NAV2: variants seen among roughly 807,000 people sequenced by gnomAD.
The protein encoded by NAV2 is neuron navigator 2.
Under a neutral mutation model 223.2 loss-of-function variants are expected in NAV2, and 54 were observed. That is an observed-to-expected ratio of 0.24 (90% CI 0.19 to 0.30). The LOEUF (loss-of-function observed/expected upper bound fraction) is 0.30, where lower values mean the gene tolerates loss of function less well. NAV2 is among the 10% of genes least tolerant of loss of function. The pLI, the probability that NAV2 is intolerant of heterozygous loss-of-function variation, is 1.00. For synonymous variants in NAV2, 1,279 were observed against 1,239.3 expected (o/e 1.03, Z -0.67); for missense variants, 2,806 against 3,147.5 (o/e 0.89, Z 2.60).
intron 11 of NAV2, among the ~76,000 whole-genome samples, chr11:19,988,404 G>A (rs945648358): frequency 4.0e-5 from 6 of 148,684 alleles, no homozygotes; most frequent in African/African-American, 9.9e-5. Flanking sequence ...TAATTTAGGC[G>A]ATAAGGCCAT....
At chr11:19,737,710 G>A (rs1041488940) in intron 1 of NAV2, among the ~76,000 whole-genome samples, 1 of 152,360 alleles carries the variant, frequency 6.6e-6, no homozygotes, top group South Asian at 2.1e-4. Context: ...AGGGTTAAGT[G>A]AAATAGTGCA....
chr11:20,030,275 T>G (rs1454812161), intron 11 of NAV2, among the ~76,000 whole-genome samples: 19 of 152,218 alleles, frequency 1.2e-4, no homozygotes, highest in Non-Finnish European at 4.4e-5. Flanking sequence ...TTTATTCTTC[T>G]AGTCATTCAT....
chr11:19,880,542 G>GC (rs976436266), intron 5 of NAV2, among the ~76,000 whole-genome samples: 19 of 152,186 alleles, frequency 1.2e-4, no homozygotes, highest in Admixed American at 9.8e-4. Context: ...CCTCTGCTTT[G>GC]CCAGAACAGA....
chr11:20,105,753 G>C (rs185069064), intron 35 of NAV2, 26 bp downstream of exon 35: 6 of 1,592,466 alleles, frequency 3.8e-6, no homozygotes, highest in Non-Finnish European at 5.1e-6. Flanking sequence ...GGGTCAGGGG[G>C]GCGGGCTGGC....
At chr11:19,676,372 GA>G (rs1442769667) in intron 1 of NAV2, among the ~76,000 whole-genome samples, 1 of 152,090 alleles carries the variant, frequency 6.6e-6, no homozygotes, top group Non-Finnish European at 1.5e-5. Flanking sequence ...TTTGCAAAAT[GA>G]AGATAATACT....
intron 1 of NAV2, among the ~76,000 whole-genome samples, chr11:19,706,642 C>T (rs138204452): frequency 3.9e-5 from 6 of 152,260 alleles, no homozygotes; most frequent in Admixed American, 1.3e-4. Context: ...ACTTGAGAGC[C>T]GAGAGCAATA....
intron 1 of NAV2, among the ~76,000 whole-genome samples, chr11:19,415,959 C>A (rs1390978922): frequency 6.6e-6 from 1 of 152,144 alleles, no homozygotes; most frequent in Non-Finnish European, 1.5e-5. Flanking sequence ...ATCAAAAGAG[C>A]TATTTATGAC....
intron 1 of NAV2, among the ~76,000 whole-genome samples, chr11:19,429,550 A>G (rs1279691217): frequency 6.6e-6 from 1 of 152,194 alleles, no homozygotes; most frequent in African/African-American, 2.4e-5. Context: ...ATCTCTCCAC[A>G]GTCTCTTCAT....
At chr11:19,680,832 G>A (rs1261568599) in intron 1 of NAV2, among the ~76,000 whole-genome samples, 2 of 152,178 alleles carry the variant, frequency 1.3e-5, no homozygotes, top group Non-Finnish European at 2.9e-5. Flanking sequence ...GTGAGAGAAC[G>A]GTAGGGGTCT....
At chr11:19,787,267 G>T (rs7479094) in intron 1 of NAV2, among the ~76,000 whole-genome samples, 87,618 of 99,924 alleles carry the variant, frequency 0.88, 37,716 homozygotes, top group Middle Eastern at 0.93. Context: ...ATTTTTATTG[G>T]ATCTTTTTTT....
At chr11:19,759,788 G>A (rs1293295789) in intron 1 of NAV2, among the ~76,000 whole-genome samples, 1 of 152,086 alleles carries the variant, frequency 6.6e-6, no homozygotes, top group African/African-American at 2.4e-5. Flanking sequence ...TATATACAAA[G>A]TGCTCATCAC....
chr11:19,483,376 AG>A (rs1379913939), intron 1 of NAV2, among the ~76,000 whole-genome samples: 1 of 152,174 alleles, frequency 6.6e-6, no homozygotes, highest in African/African-American at 2.4e-5. Flanking sequence ...TAGCTATCTT[AG>A]TTATCACGTT....
intron 10 of NAV2, among the ~76,000 whole-genome samples, chr11:19,970,334 A>G (rs1033734248): frequency 1.3e-5 from 2 of 152,066 alleles, no homozygotes; most frequent in African/African-American, 4.8e-5. Flanking sequence ...ATGCCTGGCT[A>G]ATTTTTGTAT....
At chr11:20,038,153 C>T (rs1018642541) in intron 12 of NAV2, among the ~76,000 whole-genome samples, 5 of 152,190 alleles carry the variant, frequency 3.3e-5, no homozygotes, top group Admixed American at 2.6e-4. Flanking sequence ...ATAAACAACT[C>T]GGATTTGTAC....
intron 11 of NAV2, among the ~76,000 whole-genome samples, chr11:20,009,656 C>G (rs912580295): frequency 6.6e-6 from 1 of 152,150 alleles, no homozygotes; most frequent in Non-Finnish European, 1.5e-5. Context: ...TCCGATCCCC[C>G]TTGGATAAAG....
chr11:19,922,192 G>T (rs2044332136), intron 6 of NAV2, among the ~76,000 whole-genome samples: 1 of 151,970 alleles, frequency 6.6e-6, no homozygotes, highest in African/African-American at 2.4e-5. Flanking sequence ...TCACTGTCCA[G>T]ACACTCTTGT....
At chr11:19,974,313 T>G (rs960210151) in intron 10 of NAV2, among the ~76,000 whole-genome samples, 1 of 152,194 alleles carries the variant, frequency 6.6e-6, no homozygotes, top group Admixed American at 6.5e-5. Context: ...AGGTGGAGCA[T>G]GGGGCATTTT....
At chr11:19,842,321 T>C (rs1437769874) in intron 2 of NAV2, among the ~76,000 whole-genome samples, 1 of 152,214 alleles carries the variant, frequency 6.6e-6, no homozygotes, top group African/African-American at 2.4e-5. Flanking sequence ...CTGTGTGGCG[T>C]TGGTCAAGTC....
At chr11:19,440,766 T>C (rs1457045144) in intron 1 of NAV2, among the ~76,000 whole-genome samples, 1 of 152,204 alleles carries the variant, frequency 6.6e-6, no homozygotes. Context: ...CTCTAGGTGA[T>C]TGACTAACTC....
Sources: allele counts gnomAD v4.1 joint callset (sites outside exome capture counted in the v4.1 genomes callset), GRCh38; gene constraint gnomAD v4.1.1; transcripts MANE v1.5; gene names NCBI Gene and HGNC (gene_info 2026-07-23, HGNC 2026-07-21).